Variants in RNF34 observed in about 807,000 individuals in gnomAD.
RNF34 encodes ring finger protein 34, also known as E3 ubiquitin-protein ligase RNF34.
A neutral mutation model predicts 37.9 loss-of-function variants in RNF34; 12 were observed. That is an observed-to-expected ratio of 0.32 (90% CI 0.20 to 0.51). RNF34 has a LOEUF of 0.51. Among genes scored for constraint, RNF34 ranks in the 20% least tolerant of loss-of-function variants. RNF34 has a pLI of 0.97. For missense variants in RNF34, 362 were observed against 472.7 expected, an observed-to-expected ratio of 0.77 and a Z score of 2.17; for synonymous variants, 155 against 177.2, an observed-to-expected ratio of 0.87 and a Z score of 1.00.
chr12:121,424,268 T>C lies in RNF34; in HGVS notation c.*692T>C, dbSNP rs8462. ...CTTATTAATGTGTAATCAGTTTACA[T>C]TGTTTTGTATAGTGAAGGTGTATTT... is the stretch of plus-strand genomic sequence containing the variant. On this transcript the variant is annotated 3_prime_UTR_variant, in exon 6 of 6. Transcript: ENST00000361234. 0.19 allele frequency: 29,121 copies of C among 152,688 alleles called. 4,303 individuals are homozygous for C. The highest frequency in any genetic ancestry group is 0.41 in the African/African-American group (17,067 of 41,524). 9.5% of individuals were successfully genotyped at this position (152,688 alleles called of 1,614,324 possible). A position where few individuals can be genotyped will look rare whatever the true frequency, so the allele number is the denominator to read the frequency against.
chr12:121,410,402 T>C (rs1211299430), intron 1 of RNF34, among the ~76,000 whole-genome samples: 1 of 151,764 alleles, frequency 6.6e-6, no homozygotes, highest in Non-Finnish European at 1.5e-5. Context: ...CCGGGTGTGG[T>C]GGTGGGTGCC....
Position 121,420,565 on chromosome 12 carries a change from C to T in RNF34, c.727-12C>T, listed in dbSNP as rs782737126. The T allele has an allele frequency of 1.2e-6, 2 of 1,613,758 alleles. No homozygotes were observed. Among genetic ancestry groups the T allele is most frequent in the Admixed American group, 3.3e-5 (2 of 60,022 alleles). ...TATGGGACCAGGGCTAATGGATGCT[C>T]TGTGGTTTCAGAACCCCGGGCTCTC... On this transcript the variant is annotated splice_polypyrimidine_tract_variant and intron_variant, in intron 4 of 5. Transcript: ENST00000361234.
At position 121,424,210 on chromosome 12, in the gene RNF34, GCTT is replaced by G. The variant is rs1872395405; in HGVS notation, c.*638_*640del. 6.5e-6 allele frequency: 1 copy of G among 152,684 alleles called. No individual in the cohort carries two copies. The highest frequency in any genetic ancestry group is 2.1e-4 in the South Asian group (1 of 4,832). The allele number at this position is 152,684 out of a possible 1,614,324, so 9.5% of individuals were successfully genotyped here. A position where few individuals can be genotyped will look rare whatever the true frequency, so the allele number is the denominator to read the frequency against. On this transcript the variant is annotated 3_prime_UTR_variant, in exon 6 of 6. Coordinates refer to ENST00000361234, the MANE Select transcript of RNF34 (RefSeq NM_025126.4). ...CTTTTTATAGCAAGGGCTGCATCTA[GCTT>G]CTTTTATTAGAAGTGTGTGTGCTAA...
At chr12:121,420,365 G>T in intron 4 of RNF34, 31 bp downstream of exon 4, 1 of 1,554,732 alleles carries the variant, frequency 6.4e-7, no homozygotes, top group South Asian at 1.2e-5. Context: ...TGGTTTCCCT[G>T]ACATGTCAGC....
intron 5 of RNF34, among the ~76,000 whole-genome samples, chr12:121,421,458 G>A (rs868939634): frequency 1.3e-5 from 2 of 151,296 alleles, no homozygotes; most frequent in Non-Finnish European, 3.0e-5. Flanking sequence ...GAGGCTGAGG[G>A]GGGAGGATTG....
At chr12:121,403,645 G>T (rs532472791) in intron 1 of RNF34, among the ~76,000 whole-genome samples, 5 of 152,270 alleles carry the variant, frequency 3.3e-5, no homozygotes, top group African/African-American at 1.2e-4. Flanking sequence ...CATATAGTGG[G>T]TGAGTTCTCT....
intron 1 of RNF34, among the ~76,000 whole-genome samples, chr12:121,410,323 G>A (rs1367385954): frequency 2.0e-5 from 3 of 152,114 alleles, no homozygotes; most frequent in Non-Finnish European, 4.4e-5. Context: ...CGGATTACGA[G>A]GTCAGGAGTT....
At position 121,406,869 on chromosome 12, in the gene RNF34, CAAG is replaced by C. The variant is rs564865701; in HGVS notation, c.6+6653_6+6655del. Among the ~76,000 whole-genome samples the C allele has an allele frequency of 7.9e-5, 12 of 152,234 alleles. No homozygotes were observed. In the East Asian group the frequency reaches 2.1e-3, roughly 27 times the overall value. ...TGTTGTTTTAAACTACATTCATGGT[CAAG>C]AGAGGAAATTTAGCTATCTTCACGA... On this transcript the variant is annotated intron_variant, in intron 1 of 5. Transcript: ENST00000361234.
intron 1 of RNF34, among the ~76,000 whole-genome samples, chr12:121,400,547 G>T (rs554084808): frequency 1.2e-4 from 19 of 152,318 alleles, no homozygotes; most frequent in East Asian, 1.2e-3. Flanking sequence ...GCCAGGGCTC[G>T]CCTGAGCCTC....
At chr12:121,410,672 A>T (rs1433946146) in intron 1 of RNF34, among the ~76,000 whole-genome samples, 2 of 150,588 alleles carry the variant, frequency 1.3e-5, no homozygotes, top group Non-Finnish European at 2.9e-5. Flanking sequence ...CCTCTCAGAG[A>T]TGATAACTAT....
intron 1 of RNF34, among the ~76,000 whole-genome samples, chr12:121,401,632 A>G (rs929833412): frequency 2.6e-5 from 4 of 152,196 alleles, no homozygotes; most frequent in Non-Finnish European, 5.9e-5. Context: ...CTTTATATAT[A>G]ATGCCTCGAA....
At chr12:121,404,753 A>G (rs1870356559) in intron 1 of RNF34, 1 of 152,186 alleles carries the variant, frequency 6.6e-6, no homozygotes. Flanking sequence ...GGTTGATAAT[A>G]TATTTAATGG....
At chr12:121,415,801 C>T (rs527309225) in intron 1 of RNF34, among the ~76,000 whole-genome samples, 2 of 147,966 alleles carry the variant, frequency 1.4e-5, no homozygotes, top group Non-Finnish European at 3.0e-5. Context: ...TTAGTATATG[C>T]ATATCCCAAA....
At position 121,416,216 on chromosome 12, in the gene RNF34, A is replaced by T. The variant is rs781845352; in HGVS notation, c.64A>T (p.Thr22Ser). The change falls in exon 2 of 6, where the codon ACT (threonine) becomes TCT (serine). Residue 22 changes from threonine (T) to serine (S), a missense_variant. Physicochemically the swap from Thr to Ser is moderately conservative, Grantham distance 58 (BLOSUM62 1). Coordinates refer to ENST00000361234, the MANE Select transcript of RNF34 (RefSeq NM_025126.4). ...TGGGCTGCTGAATGAAGTCATGGGA[A>T]CTGGAGCTGTCAGGGGCCAGCAGTC... ...CCGLLNEVMG[T>S]GAVRGQQSAF... 1 of 1,614,052 alleles carries T rather than the reference A, an allele frequency of 6.2e-7. No individual in the cohort carries two copies. The highest frequency in any genetic ancestry group is 8.5e-7 in the Non-Finnish European group (1 of 1,179,990).
rs1343373017 is a variant in RNF34, at chr12:121,424,054, C to G, written c.*478C>G. 3 of 153,186 alleles carry G rather than the reference C, an allele frequency of 2.0e-5. No individual in the cohort carries two copies. The highest frequency in any genetic ancestry group is 4.4e-5 in the Non-Finnish European group (3 of 68,438). 9.5% of individuals were successfully genotyped at this position (153,186 alleles called of 1,614,324 possible). Reference sequence around the variant, plus strand: ...TTATTAGTCATGTATATTTTAAATGCTAACATTTGATGAATGTAAGTTTCC... The same window carrying G: ...TTATTAGTCATGTATATTTTAAATGGTAACATTTGATGAATGTAAGTTTCC... On this transcript the variant is annotated 3_prime_UTR_variant, in exon 6 of 6. Coordinates refer to ENST00000361234, the MANE Select transcript of RNF34 (RefSeq NM_025126.4).
chr12:121,416,544 TA>T (rs1555282226), intron 2 of RNF34, 167 bp downstream of exon 2: 1 of 585,332 alleles, frequency 1.7e-6, no homozygotes, highest in African/African-American at 1.9e-5. Flanking sequence ...GGGATTATAT[TA>T]CTGCTCAAGT....
chr12:121,417,391 C>T lies in RNF34; in HGVS notation c.226-113C>T, dbSNP rs1871674335. On this transcript the variant is annotated intron_variant, in intron 2 of 5. Coordinates refer to ENST00000361234, the MANE Select transcript of RNF34 (RefSeq NM_025126.4). The surrounding 1 kb of genome is among the most constrained non-coding windows in gnomAD (Gnocchi z 5.0). ...AATACCTCTGGAAATAGTCTGGTGCCACTGGGGACTTCACTAAGAACTAAA... is the reference window on the plus strand; with the variant it reads ...AATACCTCTGGAAATAGTCTGGTGCTACTGGGGACTTCACTAAGAACTAAA... 4 of 806,722 alleles carry T rather than the reference C, an allele frequency of 5.0e-6. No individual in the cohort carries two copies. The highest frequency in any genetic ancestry group is 7.8e-6 in the Non-Finnish European group (4 of 514,058). 50.0% of individuals were successfully genotyped at this position (806,722 alleles called of 1,614,324 possible).
intron 1 of RNF34, among the ~76,000 whole-genome samples, chr12:121,402,110 C>G (rs1190207280): frequency 6.6e-6 from 1 of 152,144 alleles, no homozygotes; most frequent in Non-Finnish European, 1.5e-5. Context: ...GGAAATACTT[C>G]TTTCTGTGGA....
intron 1 of RNF34, among the ~76,000 whole-genome samples, chr12:121,412,724 C>CTTTTTT (rs1409875276): frequency 8.2e-6 from 1 of 121,918 alleles, no homozygotes; most frequent in African/African-American, 3.2e-5. Context: ...GATGTTCATG[C>CTTTTTT]TTTTTTTTTT....
Sources: allele counts gnomAD v4.1 joint callset (sites outside exome capture counted in the v4.1 genomes callset), GRCh38; gene constraint gnomAD v4.1.1; non-coding constraint Gnocchi (gnomAD v3.1); transcripts MANE v1.5; gene names NCBI Gene and HGNC (gene_info 2026-07-23, HGNC 2026-07-21).